The following ULK2 variants were observed in gnomAD, a reference collection of about 807,000 sequenced individuals.
ULK2 encodes the protein serine/threonine-protein kinase ULK2.
A neutral mutation model predicts 127.5 loss-of-function variants in ULK2; 76 were observed. That is an observed-to-expected ratio of 0.60 (90% CI 0.50 to 0.72). ULK2 has a LOEUF of 0.72. Ranked by LOEUF, ULK2 falls within the 30% of genes least tolerant of loss-of-function variation. The pLI is 0.00. For synonymous variants in ULK2, 452 were observed against 461.9 expected (o/e 0.98, Z 0.28); for missense variants, 1,144 against 1,295.9 (o/e 0.88, Z 1.80).
intron 20 of ULK2, among the ~76,000 whole-genome samples, chr17:19,793,469 T>C (rs1032077983): frequency 6.6e-6 from 1 of 152,126 alleles, no homozygotes; most frequent in Non-Finnish European, 1.5e-5. Context: ...TAAAGCTGGA[T>C]CCCTTCACCA....
chr17:19,846,984 T>C (rs1290431103), intron 5 of ULK2, 74 bp from the exon 6 acceptor site: 24 of 1,439,628 alleles, frequency 1.7e-5, no homozygotes, highest in Non-Finnish European at 2.0e-5. Flanking sequence ...ATCAACAGGA[T>C]TGGGTTGTGA....
chr17:19,797,368 G>T, intron 18 of ULK2, 28 bp downstream of exon 18: 1 of 1,590,434 alleles, frequency 6.3e-7, no homozygotes, highest in South Asian at 1.1e-5. Flanking sequence ...ACCAGTTCCT[G>T]ACCTACAAAA....
intron 10 of ULK2, among the ~76,000 whole-genome samples, chr17:19,828,497 A>G (rs1430831942): frequency 6.6e-6 from 1 of 152,244 alleles, no homozygotes; most frequent in Non-Finnish European, 1.5e-5. Flanking sequence ...ATACAGAAGT[A>G]GAGTTTTTGT....
At chr17:19,780,960 G>C (rs1597703824) in intron 24 of ULK2, 26 bp downstream of exon 24, 1 of 1,600,818 alleles carries the variant, frequency 6.2e-7, no homozygotes. Context: ...CTGACCCCTG[G>C]AGTTACACGC....
intron 7 of ULK2, among the ~76,000 whole-genome samples, chr17:19,844,646 A>C (rs1261741245): frequency 6.6e-6 from 1 of 152,094 alleles, no homozygotes; most frequent in Non-Finnish European, 1.5e-5. Context: ...TTTGATTACC[A>C]GTTCAAAGTT....
intron 12 of ULK2, among the ~76,000 whole-genome samples, chr17:19,822,185 C>A (rs1382323354): frequency 6.6e-6 from 1 of 151,290 alleles, no homozygotes; most frequent in African/African-American, 2.4e-5. Flanking sequence ...AGGTTTTCAC[C>A]ATGTTGGCCA....
At chr17:19,860,070 T>C (rs563435056) in intron 3 of ULK2, among the ~76,000 whole-genome samples, 3 of 152,332 alleles carry the variant, frequency 2.0e-5, no homozygotes, top group African/African-American at 7.2e-5. Context: ...ATAAAACAAG[T>C]TGCATTTCTG....
intron 18 of ULK2, among the ~76,000 whole-genome samples, chr17:19,796,883 T>C (rs2087283774): frequency 6.6e-6 from 1 of 152,232 alleles, no homozygotes; most frequent in African/African-American, 2.4e-5. Context: ...ACAATTAATT[T>C]AAACTCTCTA....
intron 10 of ULK2, among the ~76,000 whole-genome samples, chr17:19,832,542 A>C (rs2041484687): frequency 6.6e-6 from 1 of 152,056 alleles, no homozygotes; most frequent in Non-Finnish European, 1.5e-5. Flanking sequence ...GGGATTACAG[A>C]TGTGAGCCAC....
At chr17:19,864,349 C>A (rs2042308762) in intron 3 of ULK2, among the ~76,000 whole-genome samples, 1 of 151,944 alleles carries the variant, frequency 6.6e-6, no homozygotes, top group Non-Finnish European at 1.5e-5. Flanking sequence ...GTGGTGCACA[C>A]CTATAGTCCT....
At chr17:19,827,951 A>ACTG (rs1488868757) in intron 10 of ULK2, among the ~76,000 whole-genome samples, 1 of 152,038 alleles carries the variant, frequency 6.6e-6, no homozygotes, top group African/African-American at 2.4e-5. Flanking sequence ...TTTAAGATAA[A>ACTG]CTGATGAGAC....
rs1481394570 is a variant in ULK2, at chr17:19,865,785, T to G, written c.134A>C (p.Asn45Thr). The G allele has an allele frequency of 1.3e-6, 2 of 1,567,250 alleles. No homozygotes were observed. Among genetic ancestry groups the G allele is most frequent in the Non-Finnish European group, 1.7e-6 (2 of 1,145,392 alleles). Residue 45 changes from asparagine to threonine, a missense_variant, in exon 2 of 27, where the codon AAC becomes ACC. Physicochemically the swap from Asn to Thr is moderately conservative, Grantham distance 65. Coordinates refer to ENST00000395544, the MANE Select transcript of ULK2 (RefSeq NM_014683.4). ...AAGCAGTATTTGTGATTTTGACAAGTTCTTTTTATTAATACTTTTAATAGC... is the reference window on the plus strand; with the variant it reads ...AAGCAGTATTTGTGATTTTGACAAGGTCTTTTTATTAATACTTTTAATAGC... ...EVAIKSINKK[N>T]LSKSQILLGK... is the part of the protein sequence containing the mutation.
chr17:19,801,951 A>G, intron 15 of ULK2, 29 bp from the exon 16 acceptor site: 3 of 1,577,366 alleles, frequency 1.9e-6, no homozygotes, highest in Non-Finnish European at 1.7e-6. Context: ...CTTCTATAAA[A>G]GGTTCTAGAA....
At chr17:19,814,649 C>T (rs1026294688) in intron 13 of ULK2, among the ~76,000 whole-genome samples, 13 of 151,438 alleles carry the variant, frequency 8.6e-5, no homozygotes, top group African/African-American at 2.2e-4. Flanking sequence ...GGGGTTCATG[C>T]GATCCTCCCA....
chr17:19,867,003 C>A (rs1487619716), intron 1 of ULK2, among the ~76,000 whole-genome samples: 2 of 152,208 alleles, frequency 1.3e-5, no homozygotes, highest in Non-Finnish European at 2.9e-5. Context: ...ACGCCCAACC[C>A]TCGAGTCTGC....
rs73295819 is a variant in ULK2, at chr17:19,812,299, G to A, written c.1097-1861C>T. On this transcript the variant is annotated intron_variant, in intron 13 of 26. Transcript: ENST00000395544. ...AGATTACAGCTGCTCATGGAGGGAG[G>A]GGTGAGTAACTGTGAGTTGATGAAT... Among the ~76,000 whole-genome samples the A allele has an allele frequency of 7.8e-3, 1,183 of 152,226 alleles. 15 individuals carry two copies. The highest frequency in any genetic ancestry group is 0.026 in the African/African-American group (1,097 of 41,508).
rs1211443522 is a variant in ULK2 at position 19,845,361 on chromosome 17, A to G, written c.486T>C (p.Ala162=). 1 of 1,614,006 alleles carries G rather than the reference A, an allele frequency of 6.2e-7. No homozygotes were observed. The highest frequency in any genetic ancestry group is 1.1e-5 in the South Asian group (1 of 91,072). Residue 162 remains alanine (A), a synonymous_variant, in exon 7 of 27, where the codon GCT becomes GCC. Transcript: ENST00000395544. ...CCATCATGTTACTATGTAGGTAACG[A>G]GCAAAACCAAAATCCGCTATTTCAC... ...IRIKIADFGF[A]RYLHSNMMAA...
intron 3 of ULK2, among the ~76,000 whole-genome samples, chr17:19,856,454 T>C (rs1235567570): frequency 6.7e-6 from 1 of 149,426 alleles, no homozygotes; most frequent in Non-Finnish European, 1.5e-5. Context: ...TGGTGGCAGG[T>C]GCCTGTAGTC....
At position 19,801,798 on chromosome 17, in the gene ULK2, G is replaced by C. The variant is rs370548051; in HGVS notation, c.1420C>G (p.Pro474Ala). 7 of 1,614,028 alleles carry C rather than the reference G, an allele frequency of 4.3e-6. No individual in the cohort carries two copies. The African/African-American group carries it at 9.3e-5, about 22-fold the overall frequency. ...GRRLSTGSSR[P>A]YSPSPLVGTI... ...TTACCCAAAGGGGAAGGTGAGTAAG[G>C]CCTAGAAGACCCAGTGGAGAGCCTT... Residue 474 changes from proline (P) to alanine (A), a missense_variant, in exon 16 of 27, where the codon CCT becomes GCT. Around this residue, in one of 2 missense-constraint regions of ULK2, gnomAD observed 913 missense variants for 970.5 expected, o/e 0.94. Coordinates refer to ENST00000395544, the MANE Select transcript of ULK2 (RefSeq NM_014683.4).
Sources: allele counts gnomAD v4.1 joint callset (sites outside exome capture counted in the v4.1 genomes callset), GRCh38; gene constraint gnomAD v4.1.1; regional missense constraint gnomAD v4.1.1; transcripts MANE v1.5; gene names NCBI Gene and HGNC (gene_info 2026-07-23, HGNC 2026-07-21).